RPAP2: variants seen among roughly 807,000 people sequenced by gnomAD.
The protein encoded by RPAP2 is putative RNA polymerase II subunit B1 CTD phosphatase RPAP2.
In RPAP2, 52 loss-of-function variants were observed where a neutral mutation model predicts 73.1. That is an observed-to-expected ratio of 0.71 (90% CI 0.57 to 0.90). The LOEUF (loss-of-function observed/expected upper bound fraction) is 0.90, where lower values mean the gene tolerates loss of function less well. Ranked by LOEUF, RPAP2 falls within the 40% of genes least tolerant of loss-of-function variation. The pLI, the probability that RPAP2 is intolerant of heterozygous loss-of-function variation, is 0.00. For missense variants in RPAP2, 598 were observed against 701.8 expected, an observed-to-expected ratio of 0.85 and a Z score of 1.67; for synonymous variants, 225 against 242.1, an observed-to-expected ratio of 0.93 and a Z score of 0.65.
In RPAP2 at chr1:92,382,718, T is replaced by C. The variant is rs529080753; in HGVS notation, c.1838+1845T>C. Among the ~76,000 whole-genome samples the C allele has an allele frequency of 4.6e-5, 7 of 152,334 alleles. No individual in the cohort carries two copies. The South Asian group carries it at 6.2e-4, about 14-fold the overall frequency. On this transcript the variant is annotated intron_variant, in intron 12 of 12. Coordinates refer to ENST00000610020, the MANE Select transcript of RPAP2 (RefSeq NM_024813.3). ...CAAAAATTTTCTCCCATTCTGTAGG[T>C]TGCCTGTTCACTCTGATGGTAGTTT...
At chr1:92,386,833 T>C (rs11164312) in intron 12 of RPAP2, among the ~76,000 whole-genome samples, 178 bp from the exon 13 acceptor site, 39,202 of 152,056 alleles carry the variant, frequency 0.26, 6,494 homozygotes, top group Non-Finnish European at 0.35. Context: ...TCCGAGTAGC[T>C]GGGACTACAG....
chr1:92,311,000 A>T (rs1313127065), intron 6 of RPAP2, among the ~76,000 whole-genome samples: 1 of 152,242 alleles, frequency 6.6e-6, no homozygotes, highest in Non-Finnish European at 1.5e-5. Flanking sequence ...TATGCATATA[A>T]CTAAAACTAA....
intron 11 of RPAP2, among the ~76,000 whole-genome samples, chr1:92,366,145 C>T (rs1364797903): frequency 6.6e-6 from 1 of 152,100 alleles, no homozygotes; most frequent in Non-Finnish European, 1.5e-5. Context: ...TTTAAAGTAT[C>T]TGAATGTTTT....
intron 6 of RPAP2, among the ~76,000 whole-genome samples, chr1:92,316,042 C>T (rs748821370): frequency 2.0e-5 from 3 of 152,160 alleles, no homozygotes; most frequent in Non-Finnish European, 4.4e-5. Flanking sequence ...TCCTGTTTGG[C>T]TAAATGTAGG....
intron 6 of RPAP2, among the ~76,000 whole-genome samples, chr1:92,308,188 C>A (rs1402374047): frequency 6.6e-6 from 1 of 152,144 alleles, no homozygotes; most frequent in East Asian, 1.9e-4. Flanking sequence ...TGATGGCAGA[C>A]ACCTCTGCCT....
intron 6 of RPAP2, among the ~76,000 whole-genome samples, chr1:92,309,409 TCCAG>T (rs1651445278): frequency 6.7e-6 from 1 of 148,270 alleles, no homozygotes; most frequent in South Asian, 2.2e-4. Flanking sequence ...GCCACTGCAC[TCCAG>T]CCTGGTGACA....
rs201837641 is a variant in RPAP2, at chr1:92,304,264, C to T, written c.334-20C>T. ...TTTATTATTTGGATTCTTTTGTAAGCTGTACTTTCTTTTCTTTAGGTACCA... is the reference window on the plus strand; with the variant it reads ...TTTATTATTTGGATTCTTTTGTAAGTTGTACTTTCTTTTCTTTAGGTACCA... On this transcript the variant is annotated intron_variant, in intron 4 of 12. Transcript: ENST00000610020. 2.3e-3 allele frequency: 3,214 copies of T among 1,399,260 alleles called. 11 individuals are homozygous for T. The highest frequency in any genetic ancestry group is 2.7e-3 in the Non-Finnish European group (2,700 of 996,652). 86.7% of individuals were successfully genotyped at this position (1,399,260 alleles called of 1,614,324 possible).
rs1259689548 is a variant in RPAP2 at position 92,303,993 on chromosome 1, C to T, written c.251C>T (p.Pro84Leu). ...TCATTTTAGGGGAGGTTCATTACAC[C>T]TGCTCACTACAGTGATGTCGTGGAT... is the stretch of plus-strand genomic sequence containing the variant. ...FLMECGRFIT[P>L]AHYSDVVDER... The change falls in exon 4 of 13, where the codon CCT (proline) becomes CTT (leucine). Residue 84 changes from proline to leucine, a missense_variant. By Grantham distance (98) the Pro-to-Leu change is moderately conservative. This residue lies in a region of RPAP2 where 506 missense variants were observed against 612.8 expected (regional missense o/e 0.83). Coordinates refer to ENST00000610020, the MANE Select transcript of RPAP2 (RefSeq NM_024813.3). 1 of 1,609,274 alleles carries T rather than the reference C, an allele frequency of 6.2e-7. No individual in the cohort carries two copies. The highest frequency in any genetic ancestry group is 1.7e-5 in the Admixed American group (1 of 59,398).
Position 92,301,493 on chromosome 1 carries a change from C to A in RPAP2, c.137C>A (p.Ala46Glu). 1 of 1,585,036 alleles carries A rather than the reference C, an allele frequency of 6.3e-7. No individual in the cohort carries two copies. Among genetic ancestry groups the A allele is most frequent in the Non-Finnish European group, 8.6e-7 (1 of 1,166,650 alleles). Residue 46 changes from alanine (A) to glutamate (E), a missense_variant, in exon 3 of 13, where the codon GCA (alanine) becomes GAA (glutamate). Physicochemically the swap from Ala to Glu is moderately radical, Grantham distance 107. Coordinates refer to ENST00000610020, the MANE Select transcript of RPAP2 (RefSeq NM_024813.3). ...DASKRKAELE[A>E]AVRKKIEFER... is the part of the protein sequence containing the mutation. The stretch of plus-strand genomic sequence containing the variant: ...AATTTTAGGAAAGCTGAACTAGAAG[C>A]AGCTGTGAGAAAGAAGATTGAATTT...
intron 6 of RPAP2, among the ~76,000 whole-genome samples, chr1:92,317,689 C>T (rs968455730): frequency 2.0e-5 from 3 of 151,996 alleles, no homozygotes; most frequent in Admixed American, 2.0e-4. Flanking sequence ...ATGTATTAAA[C>T]GGTAAATTTT....
At chr1:92,370,538 A>T (rs1446448266) in intron 11 of RPAP2, among the ~76,000 whole-genome samples, 2 of 152,332 alleles carry the variant, frequency 1.3e-5, no homozygotes, top group Non-Finnish European at 2.9e-5. Context: ...TATATGAGAA[A>T]CAGTGTCTAG....
rs139611021 is a variant in RPAP2 at position 92,327,481 on chromosome 1, C to T, written c.1455+3106C>T. Reference sequence around the variant, plus strand: ...TTGTCTGATATAAGAATAGCTACTTCTCACTTTTGGTGTCCATTTGCATGG... The same window carrying T: ...TTGTCTGATATAAGAATAGCTACTTTTCACTTTTGGTGTCCATTTGCATGG... On this transcript the variant is annotated intron_variant, in intron 8 of 12. Coordinates refer to ENST00000610020, the MANE Select transcript of RPAP2 (RefSeq NM_024813.3). Among the ~76,000 whole-genome samples, 1,466 of 152,314 alleles carry T rather than the reference C, an allele frequency of 9.6e-3. 23 individuals carry two copies. The highest frequency in any genetic ancestry group is 0.034 in the African/African-American group (1,403 of 41,566).
chr1:92,341,378 A>G (rs1261929190), intron 10 of RPAP2, among the ~76,000 whole-genome samples: 1 of 152,208 alleles, frequency 6.6e-6, no homozygotes, highest in East Asian at 1.9e-4. Context: ...CACTCAAACA[A>G]TAGTAAATAC....
At chr1:92,338,667 TA>T (rs397948397) in intron 10 of RPAP2, among the ~76,000 whole-genome samples, 2 of 139,148 alleles carry the variant, frequency 1.4e-5, no homozygotes, top group African/African-American at 2.6e-5. Flanking sequence ...TTTTTTTTTT[TA>T]AAGACAGGGT....
At position 92,395,439 on chromosome 1, in the gene RPAP2, C is replaced by G. The variant is rs184741641; in HGVS notation, c.*8428C>G. On this transcript the variant is annotated 3_prime_UTR_variant, in exon 13 of 13. Transcript: ENST00000610020. ...CCACTTGAGCTCAGGAATTTGAGAC[C>G]AGACTGGACAACAGAGCAAAATGCC... 1 of 151,928 alleles carries G rather than the reference C, an allele frequency of 6.6e-6. No homozygotes were observed. Among genetic ancestry groups the G allele is most frequent in the African/African-American group, 2.4e-5 (1 of 41,448 alleles). The allele number at this position is 151,928 out of a possible 1,614,324, so 9.4% of individuals were successfully genotyped here.
At chr1:92,334,542 T>C (rs1474919458) in intron 9 of RPAP2, among the ~76,000 whole-genome samples, 1 of 152,056 alleles carries the variant, frequency 6.6e-6, no homozygotes, top group African/African-American at 2.4e-5. Flanking sequence ...CTTTAAAATA[T>C]TACTACAAAA....
At chr1:92,382,004 G>A (rs1304211636) in intron 12 of RPAP2, among the ~76,000 whole-genome samples, 1 of 148,756 alleles carries the variant, frequency 6.7e-6, no homozygotes, top group Non-Finnish European at 1.5e-5. Flanking sequence ...CCACCTATGA[G>A]TGAGAACATG....
chr1:92,381,574 C>T (rs1454506439), intron 12 of RPAP2, among the ~76,000 whole-genome samples: 3 of 140,448 alleles, frequency 2.1e-5, no homozygotes, highest in African/African-American at 8.0e-5. Context: ...ATGAGATTCT[C>T]TCAGGGAGAT....
intron 11 of RPAP2, among the ~76,000 whole-genome samples, chr1:92,354,726 G>A (rs1269064996): frequency 6.6e-6 from 1 of 151,932 alleles, no homozygotes; most frequent in Admixed American, 6.6e-5. Context: ...GAAATGGAAA[G>A]TTCATAGTGA....
Sources: allele counts gnomAD v4.1 joint callset (sites outside exome capture counted in the v4.1 genomes callset), GRCh38; gene constraint gnomAD v4.1.1; regional missense constraint gnomAD v4.1.1; transcripts MANE v1.5; gene names NCBI Gene and HGNC (gene_info 2026-07-23, HGNC 2026-07-21).